The following LRRC18 variants were observed in gnomAD, a reference collection of about 807,000 sequenced individuals.
LRRC18 encodes the protein leucine-rich repeat-containing protein 18.
A neutral mutation model predicts 11.2 loss-of-function variants in LRRC18; 12 were observed. The observed-to-expected ratio is 1.07, with a 90% CI of 0.69 to 1.74. The LOEUF is 1.74. Among genes scored for constraint, LRRC18 ranks in the 40% most tolerant of loss-of-function variants. LRRC18 has a pLI of 0.00. For synonymous variants in LRRC18, 155 were observed against 130.6 expected (o/e 1.19, Z -1.27); for missense variants, 374 against 330.5 (o/e 1.13, Z -1.02).
At chr10:48,925,686 C>T in the LRRC18 span, among the ~76,000 whole-genome samples, 1 of 152,166 alleles carries the variant, frequency 6.6e-6, no homozygotes, top group African/African-American at 2.4e-5. Flanking sequence ...AGCTCCACCA[C>T]ACTCTGAGCA....
chr10:48,914,181 A>T, exon 1 of LRRC18: 1 of 1,600,800 alleles, frequency 6.2e-7, no homozygotes, highest in South Asian at 1.1e-5. Flanking sequence ...GAGTGTTAGA[A>T]GTTTATTGTT....
the LRRC18 span, among the ~76,000 whole-genome samples, chr10:48,933,562 T>A: frequency 6.6e-6 from 1 of 152,190 alleles, no homozygotes; most frequent in Non-Finnish European, 1.5e-5. Flanking sequence ...TGTGGGAAAC[T>A]TTCTTCCTAG....
At chr10:48,917,457 C>A (rs1838655098), upstream of LRRC18, among the ~76,000 whole-genome samples, 2 of 152,196 alleles carry the variant, frequency 1.3e-5, no homozygotes, top group Non-Finnish European at 2.9e-5. Flanking sequence ...GACACATAAT[C>A]AAACTGCTCC....
chr10:48,913,557 A>G (rs756471760), exon 1 of LRRC18: 2 of 1,613,284 alleles, frequency 1.2e-6, no homozygotes, highest in African/African-American at 1.3e-5. Context: ...CTCCTCCACA[A>G]CATACAAGTT....
the LRRC18 span, among the ~76,000 whole-genome samples, chr10:48,924,853 A>G: frequency 6.6e-6 from 1 of 152,236 alleles, no homozygotes; most frequent in Admixed American, 6.5e-5. Flanking sequence ...CTTCACACTC[A>G]TGTATCTTTG....
the LRRC18 span, among the ~76,000 whole-genome samples, chr10:48,934,965 C>G: frequency 6.6e-6 from 1 of 152,188 alleles, no homozygotes; most frequent in African/African-American, 2.4e-5. Context: ...AGCTGCCCTT[C>G]CTGACTGGGG....
chr10:48,925,680 C>T, the LRRC18 span, among the ~76,000 whole-genome samples: 7 of 152,218 alleles, frequency 4.6e-5, no homozygotes, highest in East Asian at 1.4e-3. Context: ...AGCAGTAGCT[C>T]CACCACACTC....
upstream of LRRC18, among the ~76,000 whole-genome samples, chr10:48,917,792 T>C (rs1386499245): frequency 2.0e-5 from 3 of 152,240 alleles, no homozygotes; most frequent in African/African-American, 7.2e-5. Flanking sequence ...ACTTTGGGGA[T>C]AAAGGAAGTG....
the LRRC18 span, among the ~76,000 whole-genome samples, chr10:48,924,660 T>A: frequency 6.6e-6 from 1 of 152,246 alleles, no homozygotes; most frequent in East Asian, 1.9e-4. Context: ...CCAGTTGGTT[T>A]GACTTTAATT....
the LRRC18 span, among the ~76,000 whole-genome samples, chr10:48,931,842 CTT>C: frequency 6.6e-6 from 1 of 152,212 alleles, no homozygotes; most frequent in Non-Finnish European, 1.5e-5. Flanking sequence ...TTCCTTAGGA[CTT>C]TGTGCAAACA....
the LRRC18 span, among the ~76,000 whole-genome samples, chr10:48,920,401 G>T: frequency 6.6e-6 from 1 of 152,170 alleles, no homozygotes; most frequent in South Asian, 2.1e-4. Context: ...AGCATTAGGA[G>T]ATATACCTAA....
chr10:48,919,716 C>T, the LRRC18 span, among the ~76,000 whole-genome samples: 1 of 152,172 alleles, frequency 6.6e-6, no homozygotes, highest in Non-Finnish European at 1.5e-5. Flanking sequence ...TTTATGAAGT[C>T]TCCACCCTCA....
At chr10:48,927,028 GAGAGGC>G in the LRRC18 span, among the ~76,000 whole-genome samples, 1 of 152,240 alleles carries the variant, frequency 6.6e-6, no homozygotes, top group Non-Finnish European at 1.5e-5. Context: ...GTTCTCACCA[GAGAGGC>G]AGTGACCTCT....
At chr10:48,933,235 C>A in the LRRC18 span, among the ~76,000 whole-genome samples, 3 of 152,182 alleles carry the variant, frequency 2.0e-5, no homozygotes, top group South Asian at 2.1e-4. Flanking sequence ...GCTAGAGGGG[C>A]CTAGCACTTC....
At chr10:48,937,153 C>T in the LRRC18 span, among the ~76,000 whole-genome samples, 2 of 152,118 alleles carry the variant, frequency 1.3e-5, no homozygotes, top group African/African-American at 2.4e-5. Context: ...CTCGGCCTCC[C>T]AGAGTGTTGG....
upstream of LRRC18, among the ~76,000 whole-genome samples, chr10:48,914,907 G>T (rs561323112): frequency 2.0e-5 from 3 of 152,284 alleles, no homozygotes; most frequent in Admixed American, 2.0e-4. Flanking sequence ...GGAGAATGCT[G>T]CCTTTTCCAT....
At chr10:48,937,009 T>C in the LRRC18 span, among the ~76,000 whole-genome samples, 5,531 of 151,620 alleles carry the variant, frequency 0.036, 357 homozygotes, top group African/African-American at 0.13. Context: ...AAACTTCACC[T>C]CCCGGGTTCG....
the LRRC18 span, among the ~76,000 whole-genome samples, chr10:48,928,758 C>T: frequency 6.6e-6 from 1 of 152,200 alleles, no homozygotes; most frequent in Non-Finnish European, 1.5e-5. Flanking sequence ...AGCCCTGTGG[C>T]AGCTTTGCTG....
At chr10:48,909,952 T>G (rs1300787285) in exon 2 of LRRC18, 1 of 429,174 alleles carries the variant, frequency 2.3e-6, no homozygotes, top group Non-Finnish European at 4.1e-6. Flanking sequence ...CTTAAATATT[T>G]AGTTGTCTAT....
Sources: allele counts gnomAD v4.1 joint callset (sites outside exome capture counted in the v4.1 genomes callset), GRCh38; gene constraint gnomAD v4.1.1; transcripts MANE v1.5; gene names NCBI Gene and HGNC (gene_info 2026-07-23, HGNC 2026-07-21).